PPL: variants seen among roughly 807,000 people sequenced by gnomAD.
The protein encoded by PPL is periplakin.
Under a neutral mutation model 194.4 loss-of-function variants are expected in PPL, and 198 were observed. The observed-to-expected ratio is 1.02, with a 90% CI of 0.91 to 1.15. The LOEUF (loss-of-function observed/expected upper bound fraction) is 1.15. PPL is among the 50% of genes most tolerant of loss of function. The pLI is 0.00. For synonymous variants in PPL, 1,220 were observed against 972.4 expected, an observed-to-expected ratio of 1.25 and a Z score of -4.74; for missense variants, 2,885 against 2,294.8, an observed-to-expected ratio of 1.26 and a Z score of -5.25.
Position 4,893,544 on chromosome 16 carries a change from C to T in PPL, c.1489G>A (p.Gly497Arg), listed in dbSNP as rs200334319. 27 of 1,612,288 alleles carry T rather than the reference C, an allele frequency of 1.7e-5. No homozygotes were observed. The highest frequency in any genetic ancestry group is 1.6e-4 in the Middle Eastern group (1 of 6,082). The stretch of plus-strand genomic sequence containing the variant: ...GGCGAGTGGCCCTGGCACCCACCTC[C>T]GGGATTCTCGGTCTTCAGCACCTCA... Reference protein sequence around the residue: ...RYEVLKTENPGDASDLQGRQL... With the variant: ...RYEVLKTENPRDASDLQGRQL... Residue 497 changes from glycine to arginine, a missense_variant, in exon 13 of 22, where the codon GGA (glycine) becomes AGA (arginine). Transcript: ENST00000345988.
intron 3 of PPL, 32 bp downstream of exon 3, chr16:4,903,854 C>T: frequency 6.2e-7 from 1 of 1,610,586 alleles, no homozygotes. Context: ...CCCCCAATGG[C>T]TCCCCTGGGG....
chr16:4,898,572 G>A (rs768888320), intron 8 of PPL, among the ~76,000 whole-genome samples: 1 of 152,126 alleles, frequency 6.6e-6, no homozygotes, highest in Non-Finnish European at 1.5e-5. Flanking sequence ...GGAAGGGACT[G>A]GAATGATGCA....
At chr16:4,936,502 C>G (rs2089300321) in intron 1 of PPL, among the ~76,000 whole-genome samples, 1 of 152,214 alleles carries the variant, frequency 6.6e-6, no homozygotes, top group Admixed American at 6.5e-5. Context: ...GGAGAGCGCC[C>G]CCCGACGCCA....
At chr16:4,924,493 T>C (rs1348730779) in intron 1 of PPL, among the ~76,000 whole-genome samples, 1 of 152,180 alleles carries the variant, frequency 6.6e-6, no homozygotes, top group Non-Finnish European at 1.5e-5. Context: ...TCAGAGCATC[T>C]TCCAGTCTCA....
chr16:4,903,477 TG>T (rs1430266133), intron 3 of PPL, among the ~76,000 whole-genome samples: 2 of 152,014 alleles, frequency 1.3e-5, no homozygotes, highest in African/African-American at 4.8e-5. Flanking sequence ...CCCAGCACTT[TG>T]GGAGGTCGAG....
Position 4,891,748 on chromosome 16 carries a change from G to A in PPL, c.1968+63C>T, listed in dbSNP as rs9937066. ...TCCTCATCTATCCAGACGGGCGGGT[G>A]GATGTGCCAGATGCTCTCACCTGCT... is the stretch of plus-strand genomic sequence containing the variant. On this transcript the variant is annotated intron_variant, in intron 16 of 21. Transcript: ENST00000345988. 53 of 1,532,206 alleles carry A rather than the reference G, an allele frequency of 3.5e-5. No homozygotes were observed. In the South Asian group the frequency reaches 4.7e-4, roughly 14 times the overall value. 94.9% of individuals were successfully genotyped at this position (1,532,206 alleles called of 1,614,324 possible).
In PPL at chr16:4,888,207, T is replaced by C. The variant is rs373147522; in HGVS notation, c.2409A>G (p.Leu803=). The C allele has an allele frequency of 3.8e-5, 61 of 1,605,046 alleles. No individual in the cohort carries two copies. Among genetic ancestry groups the C allele is most frequent in the Admixed American group, 1.7e-5 (1 of 59,990 alleles). Residue 803 remains leucine (L), a synonymous_variant, in exon 20 of 22, where the codon TTA becomes TTG. Transcript: ENST00000345988. ...QYQQAVKDYE[L]EAEKLRSLLD... ...GAAGAGACCTTAGTTTTTCTGCTTC[T>C]AACTCATAGTCCTGCATGAGGGAGA...
At chr16:4,908,536 T>A (rs895440327) in intron 2 of PPL, among the ~76,000 whole-genome samples, 2 of 151,860 alleles carry the variant, frequency 1.3e-5, no homozygotes, top group Non-Finnish European at 2.9e-5. Context: ...TGACTGACTT[T>A]ATTGATTGAT....
chr16:4,884,125 G>T lies in PPL; in HGVS notation c.4530C>A (p.Gly1510=), dbSNP rs775010669. 2 of 1,612,930 alleles carry T rather than the reference G, an allele frequency of 1.2e-6. No individual in the cohort carries two copies. The highest frequency in any genetic ancestry group is 2.2e-5 in the East Asian group (1 of 44,844). ...VLSESVQVEK[G]DTEQEIQRLK... is the part of the protein sequence containing the mutation. ...GCCTCTGGATCTCTTGCTCGGTGTC[G>T]CCCTTCTCCACCTGGACACTCTCGG... Residue 1510 remains glycine, a synonymous_variant, in exon 22 of 22, where the codon GGC becomes GGA. Transcript: ENST00000345988. The surrounding 1 kb of genome is among the most constrained non-coding windows in gnomAD (Gnocchi z 5.7).
At chr16:4,917,863 C>T (rs2088956025) in intron 1 of PPL, among the ~76,000 whole-genome samples, 1 of 151,996 alleles carries the variant, frequency 6.6e-6, no homozygotes, top group African/African-American at 2.4e-5. Context: ...GATTTCGCCA[C>T]TGCATTCCAG....
Position 4,884,891 on chromosome 16 carries a change from A to G in PPL, c.3764T>C (p.Ile1255Thr). 1.9e-6 allele frequency: 3 copies of G among 1,613,846 alleles called. No homozygotes were observed. Among genetic ancestry groups the G allele is most frequent in the Non-Finnish European group, 2.5e-6 (3 of 1,179,974 alleles). The change falls in exon 22 of 22, where the codon ATC (isoleucine) becomes ACC (threonine). Residue 1255 changes from isoleucine to threonine, a missense_variant. Ile to Thr is a moderately conservative substitution (Grantham distance 89, BLOSUM62 -1). Transcript: ENST00000345988. This position sits in a 1 kb window ranked among gnomAD's most constrained non-coding sequence, Gnocchi z 5.7. Reference sequence around the variant, plus strand: ...TTCGATCAGTCTGGTCTTGTCCACGATCTCCTCCCTGAGCCGCTGAAGCTC... The same window carrying G: ...TTCGATCAGTCTGGTCTTGTCCACGGTCTCCTCCCTGAGCCGCTGAAGCTC... ...EKELQRLREE[I>T]VDKTRLIERC...
chr16:4,923,447 G>A (rs1216276141), intron 1 of PPL, among the ~76,000 whole-genome samples: 1 of 152,174 alleles, frequency 6.6e-6, no homozygotes, highest in African/African-American at 2.4e-5. Flanking sequence ...GGAGAGACGT[G>A]GACCCTCCAA....
chr16:4,893,005 G>C (rs867472362), intron 14 of PPL: 11 of 588,564 alleles, frequency 1.9e-5, no homozygotes, highest in Middle Eastern at 4.6e-4. Context: ...AACAATGCAA[G>C]TCCTGCCAGC....
intron 19 of PPL, chr16:4,888,733 C>G: frequency 2.3e-6 from 1 of 439,500 alleles, no homozygotes; most frequent in Non-Finnish European, 4.0e-6. Context: ...TGTACTTTTT[C>G]CTTAAGGATA....
chr16:4,890,225 C>A lies in PPL; in HGVS notation c.2272G>T (p.Asp758Tyr). The A allele has an allele frequency of 6.2e-7, 1 of 1,614,190 alleles. No individual in the cohort carries two copies. The highest frequency in any genetic ancestry group is 8.5e-7 in the Non-Finnish European group (1 of 1,180,030). The change falls in exon 18 of 22, where the codon GAC (aspartate) becomes TAC (tyrosine). Residue 758 changes from aspartate (D) to tyrosine (Y), a missense_variant. Physicochemically the swap from Asp to Tyr is radical, Grantham distance 160 (BLOSUM62 -3). Transcript: ENST00000345988. ...TTGGTCTCCATCTGGCTGAGGCTGT[C>A]TGTCTCCTGGGGCTCGTAACTGGGG... ...SIPSYEPQET[D>Y]SLSQMETKLK... is the part of the protein sequence containing the mutation.
chr16:4,931,689 G>A (rs1187006237), intron 1 of PPL, among the ~76,000 whole-genome samples: 1 of 152,160 alleles, frequency 6.6e-6, no homozygotes, highest in Non-Finnish European at 1.5e-5. Context: ...GAGGAGCTTT[G>A]GAAGCTCTCT....
At chr16:4,901,941 A>AAAATAAAT (rs61188714) in intron 4 of PPL, among the ~76,000 whole-genome samples, 3,231 of 81,836 alleles carry the variant, frequency 0.039, 107 homozygotes, top group South Asian at 0.097. Context: ...CCTTGTCTCA[A>AAAATAAAT]AAATAAATAA....
At chr16:4,894,872 C>T (rs552382546) in intron 11 of PPL, among the ~76,000 whole-genome samples, 2 of 152,352 alleles carry the variant, frequency 1.3e-5, no homozygotes, top group South Asian at 4.1e-4. Flanking sequence ...TCTCCATTCC[C>T]AAGCTCCAGA....
chr16:4,893,474 C>T, intron 13 of PPL, 67 bp downstream of exon 13: 1 of 1,598,058 alleles, frequency 6.3e-7, no homozygotes. Context: ...ATCCACAGCA[C>T]AGACCCTGGT....
Sources: gnomAD v4.1 joint callset for allele counts (sites outside exome capture counted in the v4.1 genomes callset) on GRCh38, gnomAD v4.1.1 for gene constraint, Gnocchi (gnomAD v3.1) non-coding constraint, MANE v1.5 for transcripts, NCBI Gene and HGNC (gene_info 2026-07-23, HGNC 2026-07-21) for gene names.